MICAL2: variants seen among roughly 807,000 people sequenced by gnomAD.
MICAL2 encodes [F-actin]-monooxygenase MICAL2.
In MICAL2, 77 loss-of-function variants were observed where a neutral mutation model predicts 127.3. The ratio of observed to expected loss-of-function variants is 0.60; its 90% CI spans 0.50 to 0.73. The LOEUF (loss-of-function observed/expected upper bound fraction) is 0.73. Among genes scored for constraint, MICAL2 ranks in the 30% least tolerant of loss-of-function variants. The pLI, the probability that MICAL2 is intolerant of heterozygous loss-of-function variation, is 0.00. For synonymous variants in MICAL2, 570 were observed against 551.1 expected (o/e 1.03, Z -0.48); for missense variants, 1,351 against 1,434.4 (o/e 0.94, Z 0.94).
intron 1 of MICAL2, among the ~76,000 whole-genome samples, chr11:12,124,903 T>C (rs948703150): frequency 6.6e-6 from 1 of 152,270 alleles, no homozygotes; most frequent in Non-Finnish European, 1.5e-5. Flanking sequence ...CAGGAAATGA[T>C]TGTTTTTCCT....
chr11:12,349,933 A>G, exon 33 of MICAL2: 1 of 1,613,454 alleles, frequency 6.2e-7, no homozygotes, highest in Non-Finnish European at 8.5e-7. Context: ...GGAGCTCCTA[A>G]TCATGTAAGT....
downstream of MICAL2, among the ~76,000 whole-genome samples, chr11:12,296,549 A>T (rs1863988101): frequency 6.7e-6 from 1 of 148,642 alleles, no homozygotes; most frequent in African/African-American, 2.4e-5. Flanking sequence ...ATAAGGGTAT[A>T]TTATGTCACA....
chr11:12,259,127 A>G (rs2134686593), intron 25 of MICAL2, among the ~76,000 whole-genome samples: 1 of 152,328 alleles, frequency 6.6e-6, no homozygotes, highest in South Asian at 2.1e-4. Context: ...CCAAATATAT[A>G]GGTTCAGTGT....
upstream of MICAL2, chr11:12,274,569 G>A (rs965570914): frequency 2.6e-5 from 4 of 152,314 alleles, no homozygotes; most frequent in Non-Finnish European, 5.9e-5. Flanking sequence ...AAGACAGCCA[G>A]TGAGTGAATG....
chr11:12,260,166 C>T, intron 26 of MICAL2: 1 of 1,509,552 alleles, frequency 6.6e-7, no homozygotes, highest in Non-Finnish European at 8.8e-7. Context: ...CAGTCAAGCT[C>T]CGCTGACATG....
At chr11:12,296,979 T>C (rs569632099), downstream of MICAL2, among the ~76,000 whole-genome samples, 63 of 152,250 alleles carry the variant, frequency 4.1e-4, no homozygotes, top group African/African-American at 1.5e-3. Flanking sequence ...TTATTTCAAA[T>C]CTTTGGCTAT....
At chr11:12,289,867 C>T (rs112116245), downstream of MICAL2, among the ~76,000 whole-genome samples, 1 of 152,330 alleles carries the variant, frequency 6.6e-6, no homozygotes, top group African/African-American at 2.4e-5. Flanking sequence ...CCATGCCTGG[C>T]CAACTGGCAA....
At chr11:12,180,372 T>G (rs1857315672) in intron 3 of MICAL2, among the ~76,000 whole-genome samples, 1 of 151,062 alleles carries the variant, frequency 6.6e-6, no homozygotes, top group Admixed American at 6.6e-5. Context: ...CAGGAAGGTT[T>G]CCCATGAAGG....
chr11:12,114,636 T>C (rs1849855058), intron 1 of MICAL2, among the ~76,000 whole-genome samples: 2 of 152,220 alleles, frequency 1.3e-5, no homozygotes, highest in South Asian at 4.1e-4. Flanking sequence ...CATAAGCATT[T>C]GTCCAGTTGT....
chr11:12,210,411 CCTGA>C (rs1213342925), intron 6 of MICAL2, among the ~76,000 whole-genome samples: 1 of 152,152 alleles, frequency 6.6e-6, no homozygotes, highest in South Asian at 2.1e-4. Flanking sequence ...GCTGCAGATG[CCTGA>C]CTGAGAGGAT....
At chr11:12,310,353 G>A (rs146201343) in intron 29 of MICAL2, among the ~76,000 whole-genome samples, 76 of 152,154 alleles carry the variant, frequency 5.0e-4, no homozygotes, top group African/African-American at 1.7e-3. Flanking sequence ...TTATTTTTGT[G>A]TATGGTGAAC....
chr11:12,295,532 G>A (rs181606275), downstream of MICAL2, among the ~76,000 whole-genome samples: 11 of 145,234 alleles, frequency 7.6e-5, no homozygotes, highest in African/African-American at 2.6e-4. Flanking sequence ...GCTCATTGTA[G>A]CCTCAAACTC....
chr11:12,208,380 A>G (rs1309649409), intron 5 of MICAL2: 3 of 410,674 alleles, frequency 7.3e-6, no homozygotes, highest in Non-Finnish European at 1.3e-5. Context: ...CCCTGTCCCA[A>G]GGGGTTGCTA....
upstream of MICAL2, chr11:12,276,039 G>A (rs1863719312): frequency 5.0e-6 from 2 of 399,300 alleles, no homozygotes; most frequent in South Asian, 1.3e-4. Flanking sequence ...ACAGCACAGT[G>A]ATGCGGAAGG....
chr11:12,231,654 G>A (rs960389215), intron 15 of MICAL2, among the ~76,000 whole-genome samples: 2 of 152,146 alleles, frequency 1.3e-5, no homozygotes, highest in African/African-American at 2.4e-5. Context: ...TGGGACTTAC[G>A]AACTTCCTCT....
rs1390700277 is a variant in MICAL2 at position 12,358,187 on chromosome 11, T to C, written c.5690-108T>C. 8 of 1,113,348 alleles carry C rather than the reference T, an allele frequency of 7.2e-6. No homozygotes were observed. In the East Asian group the frequency reaches 2.0e-4, roughly 28 times the overall value. 69.0% of individuals were successfully genotyped at this position (1,113,348 alleles called of 1,614,324 possible). A position where few individuals can be genotyped will look rare whatever the true frequency, so the allele number is the denominator to read the frequency against. On this transcript the variant is annotated intron_variant, in intron 34 of 34. Transcript: ENST00000646065. ...TAAATTCATTTCCTTGTTTTCTCCA[T>C]TAAAATTAAAGGCAGAACAAGTCCA...
intron 3 of MICAL2, among the ~76,000 whole-genome samples, chr11:12,170,037 G>A (rs971126527): frequency 2.6e-5 from 4 of 152,172 alleles, no homozygotes; most frequent in African/African-American, 7.2e-5. Context: ...GAGCAGTGCA[G>A]CAGTGAAGTG....
At chr11:12,316,857 T>G (rs950744552) in intron 29 of MICAL2, among the ~76,000 whole-genome samples, 5 of 152,218 alleles carry the variant, frequency 3.3e-5, no homozygotes, top group African/African-American at 4.8e-5. Context: ...CTTTTAAGCT[T>G]TTTTCAGGTG....
chr11:12,349,841 C>T, exon 33 of MICAL2: 1 of 1,614,004 alleles, frequency 6.2e-7, no homozygotes, highest in Non-Finnish European at 8.5e-7. Context: ...TAAGCAGATT[C>T]AGGCACACAG....
Sources: allele counts gnomAD v4.1 joint callset (sites outside exome capture counted in the v4.1 genomes callset), GRCh38; gene constraint gnomAD v4.1.1; transcripts MANE v1.5; gene names NCBI Gene and HGNC (gene_info 2026-07-23, HGNC 2026-07-21).